AIG1: variants seen among roughly 807,000 people sequenced by gnomAD.
The protein encoded by AIG1 is androgen-induced gene 1 protein.
AIG1 carries 23 observed loss-of-function variants against 31.4 expected under a neutral mutation model. The observed-to-expected ratio is 0.73, with a 90% confidence interval of 0.53 to 1.04. The LOEUF is 1.04. Among genes scored for constraint, AIG1 ranks in the 50% least tolerant of loss-of-function variants. The pLI is 0.00. For missense variants in AIG1, 274 were observed against 295.0 expected, an observed-to-expected ratio of 0.93 and a Z score of 0.52; for synonymous variants, 100 against 110.5, an observed-to-expected ratio of 0.90 and a Z score of 0.60.
chr6:143,217,761 G>T (rs1792147760), intron 3 of AIG1, among the ~76,000 whole-genome samples: 1 of 152,112 alleles, frequency 6.6e-6, no homozygotes, highest in Non-Finnish European at 1.5e-5. Context: ...TGCCCACCTT[G>T]GCCTCCCAAA....
intron 1 of AIG1, among the ~76,000 whole-genome samples, chr6:143,113,915 C>T (rs1378949515): frequency 2.6e-5 from 4 of 151,934 alleles, no homozygotes; most frequent in African/African-American, 7.2e-5. Flanking sequence ...GCTGGGACTA[C>T]AGGCACCCAC....
At chr6:143,174,914 T>C (rs992868744) in intron 3 of AIG1, among the ~76,000 whole-genome samples, 7 of 152,250 alleles carry the variant, frequency 4.6e-5, no homozygotes, top group African/African-American at 1.7e-4. Context: ...CTGTAAGATT[T>C]ATGCTTTAAT....
chr6:143,178,997 A>G (rs1273890058), intron 3 of AIG1, among the ~76,000 whole-genome samples: 1 of 152,064 alleles, frequency 6.6e-6, no homozygotes, highest in Non-Finnish European at 1.5e-5. Context: ...AGCTCTGGGG[A>G]GTGGGCTCAA....
At chr6:143,209,916 C>T (rs866625638) in intron 3 of AIG1, among the ~76,000 whole-genome samples, 4 of 152,294 alleles carry the variant, frequency 2.6e-5, no homozygotes, top group East Asian at 3.9e-4. Context: ...CCTTGCCTGT[C>T]GTGTTCACTG....
chr6:143,165,533 A>C (rs1786843448), intron 3 of AIG1, among the ~76,000 whole-genome samples: 1 of 81,234 alleles, frequency 1.2e-5, no homozygotes, highest in Non-Finnish European at 2.1e-5. Flanking sequence ...TCCCATCTAC[A>C]CAGCCACCAC....
intron 3 of AIG1, among the ~76,000 whole-genome samples, chr6:143,219,459 G>A (rs1044976146): frequency 6.6e-6 from 1 of 152,156 alleles, no homozygotes; most frequent in Non-Finnish European, 1.5e-5. Context: ...GACAGATTGA[G>A]CTCCTATCTC....
rs1439316327 is a variant in AIG1 at position 143,331,646 on chromosome 6, GTA to G, written c.516-1630_516-1629del. Among the ~76,000 whole-genome samples the G allele has an allele frequency of 6.6e-6, 1 of 151,772 alleles. No homozygotes were observed. The highest frequency in any genetic ancestry group is 2.4e-5 in the African/African-American group (1 of 41,290). ...TACATATATGTACATCTGTGTGTGT[GTA>G]TATATGTGTGTGTGTATATGTGTGT... On this transcript the variant is annotated intron_variant, in intron 4 of 5. Transcript: ENST00000357847. The surrounding 1 kb of genome is among the most constrained non-coding windows in gnomAD (Gnocchi z 4.1).
intron 2 of AIG1, among the ~76,000 whole-genome samples, chr6:143,157,974 G>A (rs1318106345): frequency 6.6e-6 from 1 of 152,160 alleles, no homozygotes; most frequent in African/African-American, 2.4e-5. Context: ...ATTTGTGAAA[G>A]GATAGAACTG....
At chr6:143,311,062 A>G (rs1222663398) in intron 4 of AIG1, among the ~76,000 whole-genome samples, 2 of 151,980 alleles carry the variant, frequency 1.3e-5, no homozygotes, top group Non-Finnish European at 2.9e-5. Flanking sequence ...TTCAGAAAAT[A>G]GAAGCAGAGG....
Position 143,284,287 on chromosome 6 carries a change from A to G in AIG1, c.515+62A>G. On this transcript the variant is annotated intron_variant, in intron 4 of 5. Coordinates refer to ENST00000357847, the MANE Select transcript of AIG1 (RefSeq NM_016108.4). The surrounding 1 kb of genome is among the most constrained non-coding windows in gnomAD (Gnocchi z 4.4). Reference sequence around the variant, plus strand: ...AGATTTTGCACTGCTAAATTTGGGCACATATTTCATTATGGATATAATCAC... The same window carrying G: ...AGATTTTGCACTGCTAAATTTGGGCGCATATTTCATTATGGATATAATCAC... 1.6e-6 allele frequency: 2 copies of G among 1,215,970 alleles called. No individual in the cohort carries two copies. The highest frequency in any genetic ancestry group is 2.4e-6 in the Non-Finnish European group (2 of 836,702). The allele number at this position is 1,215,970 out of a possible 1,614,324, so 75.3% of individuals were successfully genotyped here.
chr6:143,249,000 AT>A (rs971169075), intron 3 of AIG1, among the ~76,000 whole-genome samples: 7 of 152,156 alleles, frequency 4.6e-5, no homozygotes, highest in African/African-American at 1.7e-4. Context: ...CTTATATTTA[AT>A]TTTGGTTTGT....
At chr6:143,163,811 G>A (rs567700511) in intron 2 of AIG1, among the ~76,000 whole-genome samples, 2 of 152,166 alleles carry the variant, frequency 1.3e-5, no homozygotes, top group South Asian at 4.2e-4. Flanking sequence ...GTTGTTCCCT[G>A]TCTTTCTATC....
At chr6:143,335,807 G>A (rs1777441021) in intron 5 of AIG1, among the ~76,000 whole-genome samples, 1 of 151,868 alleles carries the variant, frequency 6.6e-6, no homozygotes, top group African/African-American at 2.4e-5. Flanking sequence ...ATACAAAAAT[G>A]AGCCGGGCGT....
intron 3 of AIG1, among the ~76,000 whole-genome samples, chr6:143,198,569 G>A (rs560823843): frequency 3.9e-5 from 6 of 152,236 alleles, no homozygotes; most frequent in African/African-American, 9.6e-5. Flanking sequence ...GTTTAAAATC[G>A]ATGGTCTGGA....
chr6:143,342,369 A>T, downstream of AIG1: 1 of 676,486 alleles, frequency 1.5e-6, no homozygotes, highest in Non-Finnish European at 2.7e-6. Context: ...GCTTAGACGC[A>T]GGTTTAACTT....
chr6:143,153,256 G>A (rs1785417729), intron 2 of AIG1, among the ~76,000 whole-genome samples: 2 of 152,218 alleles, frequency 1.3e-5, no homozygotes, highest in African/African-American at 4.8e-5. Context: ...CTAAGTCACT[G>A]CTACTTCTCT....
At chr6:143,208,212 C>T (rs1025734901) in intron 3 of AIG1, among the ~76,000 whole-genome samples, 25 of 152,058 alleles carry the variant, frequency 1.6e-4, no homozygotes, top group Admixed American at 4.6e-4. Context: ...TCCTATTGCA[C>T]GGGTAAAAGG....
At chr6:143,287,806 A>T (rs1175097929) in intron 4 of AIG1, among the ~76,000 whole-genome samples, 1 of 151,670 alleles carries the variant, frequency 6.6e-6, no homozygotes, top group Non-Finnish European at 1.5e-5. Flanking sequence ...CTTCTCAACA[A>T]ATAGTAGTAT....
At chr6:143,265,722 TAGAA>T (rs1796107925) in intron 3 of AIG1, among the ~76,000 whole-genome samples, 2 of 152,324 alleles carry the variant, frequency 1.3e-5, no homozygotes, top group South Asian at 4.1e-4. Context: ...GAGACCCTGA[TAGAA>T]AGAACTAAAC....
Sources: gnomAD v4.1 joint callset for allele counts (sites outside exome capture counted in the v4.1 genomes callset) on GRCh38, gnomAD v4.1.1 for gene constraint, Gnocchi (gnomAD v3.1) non-coding constraint, MANE v1.5 for transcripts, NCBI Gene and HGNC (gene_info 2026-07-23, HGNC 2026-07-21) for gene names.